Variants in MBOAT1 observed in about 807,000 individuals in gnomAD.
The protein encoded by MBOAT1 is membrane bound glycerophospholipid O-acyltransferase 1, also known as membrane-bound glycerophospholipid O-acyltransferase 1.
MBOAT1 carries 67 observed loss-of-function variants against 64.4 expected under a neutral mutation model. That is an observed-to-expected ratio of 1.04 (90% CI 0.85 to 1.27). The LOEUF (loss-of-function observed/expected upper bound fraction) is 1.27, where lower values mean the gene tolerates loss of function less well. MBOAT1 is among the 50% of genes most tolerant of loss of function. MBOAT1 has a pLI of 0.00. For missense variants in MBOAT1, 563 were observed against 604.6 expected, an observed-to-expected ratio of 0.93 and a Z score of 0.72; for synonymous variants, 229 against 218.9, an observed-to-expected ratio of 1.05 and a Z score of -0.41.
intron 2 of MBOAT1, among the ~76,000 whole-genome samples, chr6:20,152,375 T>A (rs866167599): frequency 3.1e-4 from 44 of 141,376 alleles, no homozygotes; most frequent in African/African-American, 6.5e-4. Context: ...ATTAATTAAT[T>A]AATTAATTAA....
intron 1 of MBOAT1, among the ~76,000 whole-genome samples, chr6:20,171,687 T>C (rs1300730193): frequency 6.6e-6 from 1 of 152,174 alleles, no homozygotes; most frequent in Non-Finnish European, 1.5e-5. Context: ...TAACTCCATT[T>C]ATCCAACCCC....
chr6:20,142,513 G>C (rs937554530), intron 4 of MBOAT1, among the ~76,000 whole-genome samples: 8 of 152,124 alleles, frequency 5.3e-5, no homozygotes, highest in Non-Finnish European at 1.2e-4. Context: ...GCAGTGGCGC[G>C]ATCTCAGCTC....
chr6:20,130,772 C>T (rs1252013768), intron 5 of MBOAT1, among the ~76,000 whole-genome samples: 3 of 151,856 alleles, frequency 2.0e-5, no homozygotes, highest in Non-Finnish European at 2.9e-5. Context: ...TTTAATCTTT[C>T]ATTAGCTTGT....
At chr6:20,122,725 C>T (rs573408223) in intron 8 of MBOAT1, among the ~76,000 whole-genome samples, 2 of 152,022 alleles carry the variant, frequency 1.3e-5, no homozygotes, top group Middle Eastern at 3.4e-3. Flanking sequence ...TAGAGATAGA[C>T]GGTGGTGATA....
intron 1 of MBOAT1, among the ~76,000 whole-genome samples, chr6:20,192,995 C>CTGTTTTTTTT (rs1762846282): frequency 1.8e-5 from 1 of 55,048 alleles, no homozygotes; most frequent in Non-Finnish European, 3.4e-5. Flanking sequence ...GCTATAATTT[C>CTGTTTTTTTT]TTTTTTTTTT....
chr6:20,198,954 T>C (rs971412570), intron 1 of MBOAT1, among the ~76,000 whole-genome samples: 5 of 152,362 alleles, frequency 3.3e-5, no homozygotes, highest in African/African-American at 1.2e-4. Context: ...CTTTAACAAG[T>C]GGAGGTGTAA....
chr6:20,135,354 G>A (rs1165222461), intron 4 of MBOAT1, among the ~76,000 whole-genome samples: 38 of 152,098 alleles, frequency 2.5e-4, no homozygotes, highest in Admixed American at 2.5e-3. Flanking sequence ...GAAGTAAAAA[G>A]AAAGCTAGAA....
chr6:20,122,130 A>G (rs1288484258), intron 8 of MBOAT1, among the ~76,000 whole-genome samples: 2 of 152,236 alleles, frequency 1.3e-5, no homozygotes, highest in East Asian at 3.9e-4. Context: ...GCACCATTGC[A>G]CTCCAGCCTG....
At chr6:20,211,990 AC>A (rs1763438933) in intron 1 of MBOAT1, 145 bp downstream of exon 1, 8 of 654,134 alleles carry the variant, frequency 1.2e-5, no homozygotes, top group Non-Finnish European at 2.1e-5. Flanking sequence ...ACACACACAC[AC>A]ACACACACAC....
At chr6:20,187,897 C>A (rs550971244) in intron 1 of MBOAT1, among the ~76,000 whole-genome samples, 113 of 152,088 alleles carry the variant, frequency 7.4e-4, no homozygotes, top group Admixed American at 2.5e-3. Flanking sequence ...GAGGCTGAGG[C>A]GGGAGGATTG....
At chr6:20,124,012 G>A (rs577618708) in intron 8 of MBOAT1, among the ~76,000 whole-genome samples, 42 of 152,230 alleles carry the variant, frequency 2.8e-4, no homozygotes, top group African/African-American at 9.6e-4. Flanking sequence ...AGCCAAGATC[G>A]TGCCACTGCG....
intron 8 of MBOAT1, among the ~76,000 whole-genome samples, chr6:20,122,827 GA>G (rs71538774): frequency 0.15 from 22,648 of 150,912 alleles, 2,208 homozygotes; most frequent in East Asian, 0.41. Context: ...TTGCCACAAT[GA>G]AAAAAAAATT....
chr6:20,199,904 G>T (rs1435573626), intron 1 of MBOAT1, among the ~76,000 whole-genome samples: 1 of 152,128 alleles, frequency 6.6e-6, no homozygotes, highest in Non-Finnish European at 1.5e-5. Context: ...GAGGGCGGAG[G>T]TTGCAGTGAG....
intron 3 of MBOAT1, among the ~76,000 whole-genome samples, chr6:20,144,747 C>T (rs1761282311): frequency 6.6e-6 from 1 of 152,112 alleles, no homozygotes; most frequent in Non-Finnish European, 1.5e-5. Flanking sequence ...TACTGCTGAC[C>T]ACTTCATCTT....
intron 11 of MBOAT1, 89 bp from the exon 12 acceptor site, chr6:20,109,838 G>A: frequency 1.5e-6 from 2 of 1,306,732 alleles, no homozygotes; most frequent in Non-Finnish European, 2.1e-6. Flanking sequence ...TATGCCACAG[G>A]AACATGGGCT....
chr6:20,153,056 G>A (rs1280313201), intron 1 of MBOAT1, among the ~76,000 whole-genome samples: 7 of 151,994 alleles, frequency 4.6e-5, no homozygotes, highest in Admixed American at 4.6e-4. Flanking sequence ...GGATGGTCTC[G>A]ATCTCCTGAC....
rs1230968035 is a variant in MBOAT1, at chr6:20,100,076, C to T, written c.*2210G>A. Among the ~76,000 whole-genome samples the T allele has an allele frequency of 1.3e-5, 2 of 152,202 alleles. No homozygotes were observed. The highest frequency in any genetic ancestry group is 2.9e-5 in the Non-Finnish European group (2 of 68,040). ...CAGTCACTAGTGGGACCAATGGCCC[C>T]AGCTTGCCCAGGACTGAGGGCTTGA... On this transcript the variant is annotated 3_prime_UTR_variant, in exon 13 of 13. Coordinates refer to ENST00000324607, the MANE Select transcript of MBOAT1 (RefSeq NM_001080480.3).
At chr6:20,133,697 G>A (rs1760898539) in intron 4 of MBOAT1, among the ~76,000 whole-genome samples, 1 of 152,148 alleles carries the variant, frequency 6.6e-6, no homozygotes, top group Non-Finnish European at 1.5e-5. Context: ...CATGGTATTA[G>A]CCTATCTTTC....
intron 12 of MBOAT1, among the ~76,000 whole-genome samples, chr6:20,106,513 G>T (rs1285809778): frequency 6.6e-6 from 1 of 151,934 alleles, no homozygotes; most frequent in African/African-American, 2.4e-5. Flanking sequence ...ATCTCCACCT[G>T]CCGGGTTCAA....
Sources: allele counts gnomAD v4.1 joint callset (sites outside exome capture counted in the v4.1 genomes callset), GRCh38; gene constraint gnomAD v4.1.1; transcripts MANE v1.5; gene names NCBI Gene and HGNC (gene_info 2026-07-23, HGNC 2026-07-21).